CD1A: variants seen among roughly 807,000 people sequenced by gnomAD.
CD1A encodes T-cell surface glycoprotein CD1a.
CD1A carries 50 observed loss-of-function variants against 38.3 expected under a neutral mutation model. The ratio of observed to expected loss-of-function variants is 1.30; its 90% CI spans 1.04 to 1.65. The LOEUF (loss-of-function observed/expected upper bound fraction) is 1.65. CD1A is among the 40% of genes most tolerant of loss of function. The pLI, the probability that CD1A is intolerant of heterozygous loss-of-function variation, is 0.00. For missense variants in CD1A, 459 were observed against 406.1 expected, an observed-to-expected ratio of 1.13 and a Z score of -1.12; for synonymous variants, 160 against 150.8, an observed-to-expected ratio of 1.06 and a Z score of -0.45.
Position 158,255,204 on chromosome 1 carries a change from A to G in CD1A, c.179A>G (p.Asn60Ser), listed in dbSNP as rs745776518. 6.2e-7 allele frequency: 1 copy of G among 1,614,130 alleles called. No homozygotes were observed. Among genetic ancestry groups the G allele is most frequent in the Non-Finnish European group, 8.5e-7 (1 of 1,180,008 alleles). The change falls in exon 2 of 6, where the codon AAT becomes AGT. Residue 60 changes from asparagine (N) to serine (S), a missense_variant. Physicochemically the swap from Asn to Ser is conservative, Grantham distance 46. Transcript: ENST00000289429. ...SDLQTHTWDS[N>S]SSTIVFLCPW... ...TTGCAGACTCATACCTGGGACAGCA[A>G]TTCCAGCACCATCGTTTTCCTGTGC...
rs1367182915 is a variant in CD1A at position 158,256,251 on chromosome 1, T to C, written c.573T>C (p.Leu191=). 16 of 1,614,026 alleles carry C rather than the reference T, an allele frequency of 9.9e-6. No homozygotes were observed. Among genetic ancestry groups the C allele is most frequent in the Non-Finnish European group, 1.3e-5 (15 of 1,180,028 alleles). Residue 191 remains leucine, a synonymous_variant, in exon 3 of 6, where the codon CTT becomes CTC. Coordinates refer to ENST00000289429, the MANE Select transcript of CD1A (RefSeq NM_001763.3). Reference sequence around the variant, plus strand: ...GCCCACGTTTCATCTTGGGTCTTCTTGATGCAGGAAAGGCACATCTCCAGC... The same window carrying C: ...GCCCACGTTTCATCTTGGGTCTTCTCGATGCAGGAAAGGCACATCTCCAGC... ...DTCPRFILGL[L]DAGKAHLQRQ... is the part of the protein sequence containing the mutation.
upstream of CD1A, among the ~76,000 whole-genome samples, chr1:158,253,755 A>G (rs1300302864): frequency 3.9e-5 from 6 of 152,170 alleles, no homozygotes; most frequent in Non-Finnish European, 8.8e-5. Context: ...ATTTTAGAAA[A>G]TATTATTTCA....
chr1:158,257,357 T>C (rs960322474), intron 4 of CD1A, 64 bp from the exon 5 acceptor site: 45 of 1,217,010 alleles, frequency 3.7e-5, no homozygotes, highest in Non-Finnish European at 4.6e-5. Context: ...TGCAGTGAAA[T>C]AGGGAGTGGA....
At chr1:158,254,959 T>A in intron 1 of CD1A, 125 bp from the exon 2 acceptor site, 1 of 1,029,180 alleles carries the variant, frequency 9.7e-7, no homozygotes, top group Admixed American at 2.0e-5. Flanking sequence ...GGCAAGTGAA[T>A]GTCTGCTAAG....
chr1:158,254,092 C>G, upstream of CD1A: 7 of 93,114 alleles, frequency 7.5e-5, no homozygotes, highest in Non-Finnish European at 1.3e-4. Context: ...ACTGGCTCTT[C>G]TCTAAGAATA....
Position 158,257,722 on chromosome 1 carries a change from C to A in CD1A, c.*32C>A. The A allele has an allele frequency of 6.2e-7, 1 of 1,610,010 alleles. No individual in the cohort carries two copies. Among genetic ancestry groups the A allele is most frequent in the South Asian group, 1.1e-5 (1 of 90,988 alleles). On this transcript the variant is annotated 3_prime_UTR_variant, in exon 6 of 6. Coordinates refer to ENST00000289429, the MANE Select transcript of CD1A (RefSeq NM_001763.3). ...CCATGAGCCTCCTCGTCACCCTTCT[C>A]CTTTTGGGGTGAGAGACCAGCAGCC...
rs775742254 is a variant in CD1A at position 158,256,175 on chromosome 1, A to G, written c.497A>G (p.Asn166Ser). The change falls in exon 3 of 6, where the codon AAT becomes AGT. Residue 166 changes from asparagine to serine, a missense_variant. Transcript: ENST00000289429. The stretch of plus-strand genomic sequence containing the variant: ...GCCAAGCATTTCTGCAAAGTGCTCA[A>G]TCAGAATCAGCATGAAAATGACATA... ...NMAKHFCKVL[N>S]QNQHENDITH... The G allele has an allele frequency of 4.7e-5, 76 of 1,614,072 alleles. No individual in the cohort carries two copies. The highest frequency in any genetic ancestry group is 6.0e-5 in the Non-Finnish European group (71 of 1,180,034).
rs766946258 is a variant in CD1A at position 158,257,479 on chromosome 1, G to C, written c.942G>C (p.Leu314=). The part of the protein sequence containing the change: ...ILAVIVPLLL[L]IGLALWFRKR... ...CGGTGATAGTGCCTTTACTTCTTCT[G>C]ATAGGTCTTGCGCTTTGGTTCAGGA... Residue 314 remains leucine, a synonymous_variant, in exon 5 of 6, where the codon CTG becomes CTC. Coordinates refer to ENST00000289429, the MANE Select transcript of CD1A (RefSeq NM_001763.3). 6.2e-7 allele frequency: 1 copy of C among 1,614,104 alleles called. No homozygotes were observed. The highest frequency in any genetic ancestry group is 1.6e-4 in the Middle Eastern group (1 of 6,062).
chr1:158,253,082 G>A (rs1020261097), upstream of CD1A, among the ~76,000 whole-genome samples: 4 of 152,080 alleles, frequency 2.6e-5, no homozygotes, highest in African/African-American at 9.7e-5. Flanking sequence ...GAGTAACAGA[G>A]TGAAACCCTG....
chr1:158,251,392 G>C (rs572275022), upstream of CD1A, among the ~76,000 whole-genome samples: 1 of 152,290 alleles, frequency 6.6e-6, no homozygotes, highest in South Asian at 2.1e-4. Flanking sequence ...AGCTAACTGG[G>C]TTTGCTGTTT....
At chr1:158,257,109 C>T (rs377552828) in intron 4 of CD1A, 45 bp downstream of exon 4, 52 of 1,567,246 alleles carry the variant, frequency 3.3e-5, no homozygotes, top group Non-Finnish European at 3.9e-5. Context: ...AGGAAGTGGA[C>T]CTCAGGCATA....
chr1:158,249,669 G>T (rs138105986), upstream of CD1A, among the ~76,000 whole-genome samples: 1 of 152,324 alleles, frequency 6.6e-6, no homozygotes, highest in African/African-American at 2.4e-5. Context: ...TCCTTCTGAA[G>T]TTTCTCTCTC....
rs1650310258 is a variant in CD1A, at chr1:158,257,745, G to T, written c.*55G>T. ...CTCCTTTTGGGGTGAGAGACCAGCA[G>T]CCCAAGGGCTCCAGACACACCTGAA... is the stretch of plus-strand genomic sequence containing the variant. On this transcript the variant is annotated 3_prime_UTR_variant, in exon 6 of 6. Transcript: ENST00000289429. 1 of 1,527,884 alleles carries T rather than the reference G, an allele frequency of 6.5e-7. No homozygotes were observed. The highest frequency in any genetic ancestry group is 1.4e-5 in the African/African-American group (1 of 73,242). The allele number at this position is 1,527,884 out of a possible 1,614,324, so 94.6% of individuals were successfully genotyped here.
chr1:158,257,125 A>C, intron 4 of CD1A, 61 bp downstream of exon 4: 2 of 1,531,410 alleles, frequency 1.3e-6, no homozygotes, highest in Non-Finnish European at 1.8e-6. Context: ...GCATAGAGGG[A>C]GGGCAAGCTG....
chr1:158,251,582 A>T (rs1043373916), upstream of CD1A, among the ~76,000 whole-genome samples: 18 of 152,146 alleles, frequency 1.2e-4, no homozygotes, highest in African/African-American at 4.3e-4. Flanking sequence ...TCGTCTTGTA[A>T]TTGATATTTA....
In CD1A at chr1:158,255,188, C is replaced by A; in HGVS notation, c.163C>A (p.His55Asn). The A allele has an allele frequency of 3.7e-6, 6 of 1,614,164 alleles. No homozygotes were observed. Among genetic ancestry groups the A allele is most frequent in the Non-Finnish European group, 5.1e-6 (6 of 1,180,042 alleles). ...AGGTTGGCTGAGTGATTTGCAGACTCATACCTGGGACAGCAATTCCAGCAC... is the reference window on the plus strand; with the variant it reads ...AGGTTGGCTGAGTGATTTGCAGACTAATACCTGGGACAGCAATTCCAGCAC... Reference protein sequence around the residue: ...VSGWLSDLQTHTWDSNSSTIV... With the variant: ...VSGWLSDLQTNTWDSNSSTIV... The change falls in exon 2 of 6, where the codon CAT becomes AAT. Residue 55 changes from histidine to asparagine, a missense_variant. His to Asn is a moderately conservative substitution (Grantham distance 68). Coordinates refer to ENST00000289429, the MANE Select transcript of CD1A (RefSeq NM_001763.3).
chr1:158,254,781 C>G, intron 1 of CD1A, 54 bp downstream of exon 1: 1 of 1,038,450 alleles, frequency 9.6e-7, no homozygotes, highest in Non-Finnish European at 1.5e-6. Context: ...CTCTCTCTCT[C>G]TCTCTGTGTG....
At chr1:158,249,774 G>A (rs149530666), upstream of CD1A, among the ~76,000 whole-genome samples, 1 of 152,290 alleles carries the variant, frequency 6.6e-6, no homozygotes, top group Non-Finnish European at 1.5e-5. Flanking sequence ...TACTCACAGT[G>A]TGAGCACAGA....
At chr1:158,255,419 C>G in intron 2 of CD1A, 69 bp downstream of exon 2, 1 of 1,452,492 alleles carries the variant, frequency 6.9e-7, no homozygotes, top group Non-Finnish European at 9.5e-7. Context: ...TTTCTTATTC[C>G]TTTAGGAAAC....
Sources: gnomAD v4.1 joint callset for allele counts (sites outside exome capture counted in the v4.1 genomes callset) on GRCh38, gnomAD v4.1.1 for gene constraint, MANE v1.5 for transcripts, NCBI Gene and HGNC (gene_info 2026-07-23, HGNC 2026-07-21) for gene names.